Variants in NEDD4 observed in about 807,000 individuals in gnomAD.
NEDD4 encodes NEDD4 E3 ubiquitin protein ligase.
Under a neutral mutation model 144.9 loss-of-function variants are expected in NEDD4, and 99 were observed. The observed-to-expected ratio is 0.68, with a 90% confidence interval of 0.58 to 0.81. NEDD4 has a LOEUF of 0.81. NEDD4 is among the 30% of genes least tolerant of loss of function. The pLI is 0.00. For missense variants in NEDD4, 985 were observed against 1,065.9 expected (o/e 0.92, Z 1.06); for synonymous variants, 318 against 350.6 (o/e 0.91, Z 1.04).
At chr15:55,927,830 T>C (rs2036703984) in intron 4 of NEDD4, among the ~76,000 whole-genome samples, 1 of 152,140 alleles carries the variant, frequency 6.6e-6, no homozygotes, top group South Asian at 2.1e-4. Flanking sequence ...TTGCTTAGGA[T>C]GGCCCCAGTT....
intron 5 of NEDD4, among the ~76,000 whole-genome samples, chr15:55,891,649 C>T (rs2035575068): frequency 6.6e-6 from 1 of 152,184 alleles, no homozygotes; most frequent in Non-Finnish European, 1.5e-5. Flanking sequence ...TGATTTTAAA[C>T]AGGACTATCT....
intron 4 of NEDD4, among the ~76,000 whole-genome samples, chr15:55,930,756 T>C (rs1291462706): frequency 2.6e-5 from 4 of 152,108 alleles, no homozygotes; most frequent in Admixed American, 1.3e-4. Flanking sequence ...TCTCAGGAGA[T>C]CTGATGGTTT....
chr15:55,835,426 T>G (rs1163099674), intron 24 of NEDD4, among the ~76,000 whole-genome samples: 2 of 132,670 alleles, frequency 1.5e-5, no homozygotes, highest in Admixed American at 7.4e-5. Context: ...TTCTGTTTTT[T>G]TTTTTTTTTT....
intron 1 of NEDD4, among the ~76,000 whole-genome samples, chr15:55,990,311 T>C (rs543518769): frequency 1.9e-4 from 29 of 152,084 alleles, no homozygotes; most frequent in South Asian, 1.3e-3. Context: ...GCCAAAACAG[T>C]TGGGGACTGC....
chr15:55,948,956 G>A (rs1423317558), intron 4 of NEDD4, among the ~76,000 whole-genome samples: 1 of 152,126 alleles, frequency 6.6e-6, no homozygotes, highest in African/African-American at 2.4e-5. Flanking sequence ...TGACAAATGG[G>A]ATCTAATTAA....
intron 5 of NEDD4, among the ~76,000 whole-genome samples, chr15:55,899,887 T>A (rs1595816849): frequency 6.6e-6 from 1 of 152,230 alleles, no homozygotes; most frequent in South Asian, 2.1e-4. Context: ...TAAATCTCAA[T>A]AGCCACATGT....
At chr15:55,940,382 G>C (rs951986710) in intron 4 of NEDD4, among the ~76,000 whole-genome samples, 14 of 152,028 alleles carry the variant, frequency 9.2e-5, no homozygotes, top group African/African-American at 3.4e-4. Context: ...ATATGTGCAG[G>C]CTTTTTCTAT....
rs1363945027 is a variant in NEDD4 at position 55,893,966 on chromosome 15, A to G, written c.292-19958T>C. Among the ~76,000 whole-genome samples, 5 of 152,114 alleles carry G rather than the reference A, an allele frequency of 3.3e-5. No homozygotes were observed. The East Asian group carries it at 9.6e-4, about 29-fold the overall frequency. On this transcript the variant is annotated intron_variant, in intron 5 of 28. Coordinates refer to ENST00000435532, the MANE Select transcript of NEDD4 (RefSeq NM_006154.4). ...CTTTATACTATAATGGGCTTATTTA[A>G]AACATTTTCCTAGAAGTTCAAAATT...
chr15:55,982,009 T>A (rs1473442785), intron 1 of NEDD4, among the ~76,000 whole-genome samples: 1 of 152,194 alleles, frequency 6.6e-6, no homozygotes, highest in Non-Finnish European at 1.5e-5. Flanking sequence ...TAACACCATA[T>A]CTGTTTTTTA....
chr15:55,920,270 T>A (rs2142223385), intron 5 of NEDD4, among the ~76,000 whole-genome samples: 1 of 152,136 alleles, frequency 6.6e-6, no homozygotes, highest in African/African-American at 2.4e-5. Context: ...ATACACAATC[T>A]ATTGTTTCTG....
chr15:55,917,198 A>G (rs2036477357), intron 5 of NEDD4: 11 of 971,110 alleles, frequency 1.1e-5, no homozygotes, highest in Non-Finnish European at 1.4e-5. Context: ...AATGAGTAAC[A>G]CAAGAACAAC....
chr15:55,917,918 T>C (rs2036493207), intron 5 of NEDD4, among the ~76,000 whole-genome samples: 1 of 151,492 alleles, frequency 6.6e-6, no homozygotes, highest in African/African-American at 2.4e-5. Context: ...CTTAAGAGAG[T>C]GTTGTGGTAA....
rs909260060 is a variant in NEDD4 at position 55,850,626 on chromosome 15, T to C, written c.1263A>G (p.Gly421=). The C allele has an allele frequency of 6.2e-7, 1 of 1,614,058 alleles. No individual in the cohort carries two copies. Among genetic ancestry groups the C allele is most frequent in the African/African-American group, 1.3e-5 (1 of 74,928 alleles). The change falls in exon 14 of 29, where the codon GGA becomes GGG. Residue 421 remains glycine (G), a synonymous_variant. Coordinates refer to ENST00000435532, the MANE Select transcript of NEDD4 (RefSeq NM_006154.4). The part of the protein sequence containing the change: ...QVTQPSEIEQ[G]FLPKGWEVRH... ...GGACTTCCCAGCCTTTAGGAAGGAA[T>C]CCTTGCTCAATTTCAGATGGCTGGG... is the stretch of plus-strand genomic sequence containing the variant.
intron 8 of NEDD4, among the ~76,000 whole-genome samples, chr15:55,868,477 A>G (rs913102334): frequency 1.3e-5 from 2 of 152,188 alleles, no homozygotes; most frequent in African/African-American, 4.8e-5. Context: ...CTGAATCATG[A>G]GAGTGAGTTT....
intron 18 of NEDD4, among the ~76,000 whole-genome samples, chr15:55,845,312 G>A (rs772473649): frequency 6.6e-6 from 1 of 152,050 alleles, no homozygotes; most frequent in Non-Finnish European, 1.5e-5. Context: ...CATGGGATCT[G>A]GAGCTAGACC....
At chr15:55,970,761 G>C (rs1483207260) in intron 1 of NEDD4, among the ~76,000 whole-genome samples, 1 of 152,200 alleles carries the variant, frequency 6.6e-6, no homozygotes, top group African/African-American at 2.4e-5. Context: ...TATGGCTTCA[G>C]TGACCAAAGA....
At chr15:55,864,071 G>T (rs2034501747) in intron 8 of NEDD4, among the ~76,000 whole-genome samples, 1 of 152,180 alleles carries the variant, frequency 6.6e-6, no homozygotes, top group African/African-American at 2.4e-5. Context: ...TTAACATAAA[G>T]CCTTAGGGCA....
chr15:55,922,848 G>A (rs1460482274), intron 5 of NEDD4, among the ~76,000 whole-genome samples: 1 of 152,088 alleles, frequency 6.6e-6, no homozygotes, highest in South Asian at 2.1e-4. Context: ...GCTGAGTAAC[G>A]TGTATACATA....
chr15:55,881,799 G>A (rs922376289), intron 5 of NEDD4, among the ~76,000 whole-genome samples: 6 of 152,116 alleles, frequency 3.9e-5, no homozygotes, highest in African/African-American at 1.4e-4. Context: ...TACAGGCACA[G>A]AACAGGGTTT....
Sources: gnomAD v4.1 joint callset for allele counts (sites outside exome capture counted in the v4.1 genomes callset) on GRCh38, gnomAD v4.1.1 for gene constraint, MANE v1.5 for transcripts, NCBI Gene and HGNC (gene_info 2026-07-23, HGNC 2026-07-21) for gene names.